The following XKR4 variants were observed in gnomAD, a reference collection of about 807,000 sequenced individuals.
XKR4 encodes XK related 4.
XKR4 carries 12 observed loss-of-function variants against 53.9 expected under a neutral mutation model. The ratio of observed to expected loss-of-function variants is 0.22; its 90% CI spans 0.14 to 0.36. The LOEUF (loss-of-function observed/expected upper bound fraction) is 0.36. XKR4 is among the 10% of genes least tolerant of loss of function. XKR4 has a pLI of 1.00. For missense variants in XKR4, 799 were observed against 859.5 expected, an observed-to-expected ratio of 0.93 and a Z score of 0.88; for synonymous variants, 354 against 362.4, an observed-to-expected ratio of 0.98 and a Z score of 0.26.
chr8:55,529,380 A>G lies in XKR4; in HGVS notation c.*5153A>G, dbSNP rs1254590025. ...ATATACTGACAGCCTAATGTCAGAA[A>G]CGAGCTGCCTAAATCAAGTTTTGCT... is the stretch of plus-strand genomic sequence containing the variant. On this transcript the variant is annotated 3_prime_UTR_variant, in exon 3 of 3. Transcript: ENST00000327381. The G allele has an allele frequency of 2.6e-5, 4 of 152,202 alleles. No homozygotes were observed. Among genetic ancestry groups the G allele is most frequent in the African/African-American group, 9.7e-5 (4 of 41,444 alleles). The allele number at this position is 152,202 out of a possible 1,614,324, so 9.4% of individuals were successfully genotyped here.
intron 1 of XKR4, among the ~76,000 whole-genome samples, chr8:55,357,183 C>A (rs1470714988): frequency 1.3e-5 from 2 of 152,122 alleles, no homozygotes; most frequent in Non-Finnish European, 2.9e-5. Context: ...ATAGTGGATG[C>A]ATTACTTTAT....
rs911968329 is a variant in XKR4 at position 55,136,968 on chromosome 8, T to C, written c.806+33674T>C. ...AGAGAGAGCTAATTACAATATAGCA[T>C]GAATAAGTGCCTGTTATCTCTGCTG... is the stretch of plus-strand genomic sequence containing the variant. On this transcript the variant is annotated intron_variant, in intron 1 of 2. Coordinates refer to ENST00000327381, the MANE Select transcript of XKR4 (RefSeq NM_052898.2). 3.9e-4 allele frequency among the ~76,000 whole-genome samples: 59 copies of C among 152,332 alleles called. 1 individual carries two copies. The highest frequency in any genetic ancestry group is 3.9e-3 in the Admixed American group (59 of 15,306).
chr8:55,185,717 C>T (rs1563477896), intron 1 of XKR4, among the ~76,000 whole-genome samples: 1 of 152,186 alleles, frequency 6.6e-6, no homozygotes, highest in South Asian at 2.1e-4. Context: ...GGGAAGAGAA[C>T]TATGTGCCTC....
chr8:55,176,729 T>A (rs960684162), intron 1 of XKR4, among the ~76,000 whole-genome samples: 1 of 152,122 alleles, frequency 6.6e-6, no homozygotes, highest in African/African-American at 2.4e-5. Flanking sequence ...ACTTTTTACA[T>A]CTATTAAAAT....
At chr8:55,332,356 T>A (rs1044093881) in intron 1 of XKR4, among the ~76,000 whole-genome samples, 1 of 152,064 alleles carries the variant, frequency 6.6e-6, no homozygotes, top group African/African-American at 2.4e-5. Flanking sequence ...CAAATTATAA[T>A]TTTTTTATAT....
intron 1 of XKR4, among the ~76,000 whole-genome samples, chr8:55,257,981 C>T (rs1248410769): frequency 6.6e-6 from 1 of 152,230 alleles, no homozygotes; most frequent in Non-Finnish European, 1.5e-5. Flanking sequence ...AGTGAAATAG[C>T]TCAGACCGTG....
intron 2 of XKR4, among the ~76,000 whole-genome samples, chr8:55,483,881 T>C (rs1806153759): frequency 6.7e-6 from 1 of 150,262 alleles, no homozygotes; most frequent in Admixed American, 6.6e-5. Context: ...GAAAATGAAA[T>C]GAAATGAAAT....
chr8:55,360,844 G>T (rs1342102620), intron 2 of XKR4, among the ~76,000 whole-genome samples: 4 of 152,226 alleles, frequency 2.6e-5, no homozygotes, highest in Admixed American at 2.0e-4. Context: ...ACTGTCAGCT[G>T]CTTCTCCTTC....
intron 2 of XKR4, among the ~76,000 whole-genome samples, chr8:55,467,819 G>T (rs1388659301): frequency 6.6e-6 from 1 of 152,044 alleles, no homozygotes; most frequent in African/African-American, 2.4e-5. Context: ...CCATTTATGT[G>T]GTTGTTTTCC....
At chr8:55,255,246 C>T (rs917109317) in intron 1 of XKR4, among the ~76,000 whole-genome samples, 4 of 152,112 alleles carry the variant, frequency 2.6e-5, no homozygotes, top group Non-Finnish European at 2.9e-5. Context: ...ATTTTACTAG[C>T]GGTGTGGCCT....
At chr8:55,241,708 G>A (rs1050168362) in intron 1 of XKR4, among the ~76,000 whole-genome samples, 2 of 152,100 alleles carry the variant, frequency 1.3e-5, no homozygotes, top group African/African-American at 4.8e-5. Context: ...TATGGCTTAA[G>A]GAATGTGATG....
In XKR4 at chr8:55,102,403, G is replaced by C. The variant is rs999147094; in HGVS notation, c.-86G>C. 5.6e-6 allele frequency: 8 copies of C among 1,423,800 alleles called. No homozygotes were observed. The highest frequency in any genetic ancestry group is 7.5e-6 in the Non-Finnish European group (8 of 1,073,696). The allele number at this position is 1,423,800 out of a possible 1,614,324, so 88.2% of individuals were successfully genotyped here. A position where few individuals can be genotyped will look rare whatever the true frequency, so the allele number is the denominator to read the frequency against. On this transcript the variant is annotated 5_prime_UTR_variant, in exon 1 of 3. Transcript: ENST00000327381. This position sits in a 1 kb window ranked among gnomAD's most constrained non-coding sequence, Gnocchi z 5.1. ...AGCCGCACCGCCTGGGAGGGAAGCC[G>C]GGGCGAGGCGAGGAGGTGGCGGGAG... is the stretch of plus-strand genomic sequence containing the variant.
intron 1 of XKR4, among the ~76,000 whole-genome samples, chr8:55,225,478 G>A (rs1354670496): frequency 3.3e-5 from 5 of 152,168 alleles, no homozygotes; most frequent in African/African-American, 1.2e-4. Flanking sequence ...CCCCATCATG[G>A]TGCTCAGCGA....
intron 1 of XKR4, among the ~76,000 whole-genome samples, chr8:55,212,017 G>T (rs1200525957): frequency 6.6e-6 from 1 of 152,114 alleles, no homozygotes; most frequent in Non-Finnish European, 1.5e-5. Context: ...GGGTGGAGGG[G>T]CAGGGAGCTT....
intron 1 of XKR4, among the ~76,000 whole-genome samples, chr8:55,203,948 C>T (rs1033329522): frequency 3.3e-5 from 5 of 152,166 alleles, no homozygotes; most frequent in Admixed American, 6.5e-5. Flanking sequence ...CTTTGATTCA[C>T]TGGAAGAGAT....
At chr8:55,180,649 A>G (rs1014275640) in intron 1 of XKR4, among the ~76,000 whole-genome samples, 1 of 152,114 alleles carries the variant, frequency 6.6e-6, no homozygotes, top group East Asian at 1.9e-4. Context: ...CTCCTGCCTC[A>G]GCCTCCCGAG....
chr8:55,261,746 G>A (rs1177468616), intron 1 of XKR4, among the ~76,000 whole-genome samples: 2 of 152,164 alleles, frequency 1.3e-5, no homozygotes, highest in African/African-American at 2.4e-5. Flanking sequence ...TATCACGTGA[G>A]TTCTCCATGG....
chr8:55,163,027 A>G (rs76902598), intron 1 of XKR4, among the ~76,000 whole-genome samples: 4,615 of 152,304 alleles, frequency 0.03, 180 homozygotes, highest in East Asian at 0.12. Flanking sequence ...ATGCAGAGAA[A>G]GATCAGAGTT....
At chr8:55,334,370 T>C (rs1803425310) in intron 1 of XKR4, among the ~76,000 whole-genome samples, 1 of 152,186 alleles carries the variant, frequency 6.6e-6, no homozygotes, top group Non-Finnish European at 1.5e-5. Context: ...TAAGACATAA[T>C]TGGAGCTTAG....
Sources: gnomAD v4.1 joint callset for allele counts (sites outside exome capture counted in the v4.1 genomes callset) on GRCh38, gnomAD v4.1.1 for gene constraint, Gnocchi (gnomAD v3.1) non-coding constraint, MANE v1.5 for transcripts, NCBI Gene and HGNC (gene_info 2026-07-23, HGNC 2026-07-21) for gene names.